Variants in TAFA5 observed in about 807,000 individuals in gnomAD.
TAFA5 encodes the protein TAFA chemokine like family member 5.
In TAFA5, 6 loss-of-function variants were observed where a neutral mutation model predicts 15.3. That is an observed-to-expected ratio of 0.39 (90% CI 0.21 to 0.77). The LOEUF (loss-of-function observed/expected upper bound fraction) is 0.77, where lower values mean the gene tolerates loss of function less well. Among genes scored for constraint, TAFA5 ranks in the 30% least tolerant of loss-of-function variants. TAFA5 has a pLI of 0.41. For synonymous variants in TAFA5, 103 were observed against 80.7 expected (o/e 1.28, Z -1.48); for missense variants, 161 against 193.1 (o/e 0.83, Z 0.98).
At chr22:48,617,086 A>G (rs1180516688) in intron 1 of TAFA5, among the ~76,000 whole-genome samples, 1 of 152,190 alleles carries the variant, frequency 6.6e-6, no homozygotes, top group East Asian at 1.9e-4. Context: ...CACTCCCCAA[A>G]AGATGTCCGG....
At chr22:48,694,549 C>G (rs948492225) in intron 2 of TAFA5, among the ~76,000 whole-genome samples, 1 of 152,084 alleles carries the variant, frequency 6.6e-6, no homozygotes, top group Non-Finnish European at 1.5e-5. Context: ...GAGCCCTGAG[C>G]CCAGGAAGCC....
chr22:48,613,611 CG>C (rs1925491473), intron 1 of TAFA5, among the ~76,000 whole-genome samples: 1 of 151,988 alleles, frequency 6.6e-6, no homozygotes, highest in South Asian at 2.1e-4. Flanking sequence ...TTAGAAAACA[CG>C]GATTTCCATC....
rs556500214 is a variant in TAFA5 at position 48,693,575 on chromosome 22, C to T, written c.263-14142C>T. On this transcript the variant is annotated intron_variant, in intron 2 of 3. Transcript: ENST00000402357. ...GAGCTCAGGGAACTCTGTTCCCACC[C>T]CTGGTCCGGCTCTGGGCCTTGGTCC... Among the ~76,000 whole-genome samples, 637 of 152,276 alleles carry T rather than the reference C, an allele frequency of 4.2e-3. 3 individuals are homozygous for T. The highest frequency in any genetic ancestry group is 0.01 in the Middle Eastern group (3 of 294).
In TAFA5 at chr22:48,489,566, G is replaced by A; in HGVS notation, c.-27G>A. 1 of 1,368,156 alleles carries A rather than the reference G, an allele frequency of 7.3e-7. No homozygotes were observed. The highest frequency in any genetic ancestry group is 1.4e-5 in the South Asian group (1 of 71,810). The allele number at this position is 1,368,156 out of a possible 1,614,324, so 84.8% of individuals were successfully genotyped here. On this transcript the variant is annotated 5_prime_UTR_variant, in exon 1 of 4. Coordinates refer to ENST00000402357, the MANE Select transcript of TAFA5 (RefSeq NM_001082967.3). This position sits in a 1 kb window ranked among gnomAD's most constrained non-coding sequence, Gnocchi z 5.5. Reference sequence around the variant, plus strand: ...GGGCCGGCTGCTGAGACGCGCTGCTGCCCCCCGCGCGGGCGCCGCGGCTTC... The same window carrying A: ...GGGCCGGCTGCTGAGACGCGCTGCTACCCCCCGCGCGGGCGCCGCGGCTTC...
intron 1 of TAFA5, chr22:48,576,687 G>C (rs1338624512): frequency 8.5e-7 from 1 of 1,173,874 alleles, no homozygotes; most frequent in Non-Finnish European, 1.1e-6. Context: ...GCTGAGGCTC[G>C]TGGAGCGCCA....
At chr22:48,579,588 T>C (rs956312301) in intron 1 of TAFA5, among the ~76,000 whole-genome samples, 15 of 152,230 alleles carry the variant, frequency 9.9e-5, no homozygotes, top group African/African-American at 3.6e-4. Context: ...TCATCATGTT[T>C]GGCCTCCAAA....
intron 1 of TAFA5, among the ~76,000 whole-genome samples, chr22:48,551,520 AG>A: frequency 6.6e-6 from 1 of 152,292 alleles, no homozygotes; most frequent in Admixed American, 6.5e-5. Flanking sequence ...GCACACACTA[AG>A]GGGCCCAGCC....
chr22:48,514,325 C>T (rs981978529), intron 1 of TAFA5, among the ~76,000 whole-genome samples: 2 of 152,174 alleles, frequency 1.3e-5, no homozygotes, highest in African/African-American at 4.8e-5. Context: ...AGAAGGCCAA[C>T]CGATTATTTT....
chr22:48,582,146 C>T (rs1924070845), intron 1 of TAFA5, among the ~76,000 whole-genome samples: 1 of 151,990 alleles, frequency 6.6e-6, no homozygotes, highest in African/African-American at 2.4e-5. Flanking sequence ...GTGTGTGAGC[C>T]CACCTCTCCC....
rs1925467068 is a variant in TAFA5 at position 48,613,001 on chromosome 22, T to C, written c.113-33596T>C. ...TCACAGACCCAGGAGGTGGGGCTCC[T>C]CCTCTGGCATCCCTGGCAGGGCGTT... is the stretch of plus-strand genomic sequence containing the variant. On this transcript the variant is annotated intron_variant, in intron 1 of 3. Transcript: ENST00000402357. 2.0e-5 allele frequency among the ~76,000 whole-genome samples: 3 copies of C among 152,126 alleles called. No individual in the cohort carries two copies. In the South Asian group the frequency reaches 6.2e-4, roughly 32 times the overall value.
intron 1 of TAFA5, among the ~76,000 whole-genome samples, chr22:48,538,215 G>A (rs900439048): frequency 3.9e-5 from 6 of 152,050 alleles, no homozygotes; most frequent in Non-Finnish European, 8.8e-5. Flanking sequence ...GCGCTCTACC[G>A]AAAGTCGCTG....
Position 48,637,409 on chromosome 22 carries a change from C to A in TAFA5, c.113-9188C>A, listed in dbSNP as rs76499772. On this transcript the variant is annotated intron_variant, in intron 1 of 3. Coordinates refer to ENST00000402357, the MANE Select transcript of TAFA5 (RefSeq NM_001082967.3). ...TGATGTCTCAGTTCGAAAGCGGTTC[C>A]TGCTAACGCCTCCTCGCCTGTCTGC... Among the ~76,000 whole-genome samples, 17 of 152,330 alleles carry A rather than the reference C, an allele frequency of 1.1e-4. No homozygotes were observed. In the South Asian group the frequency reaches 3.5e-3, roughly 32 times the overall value.
intron 2 of TAFA5, among the ~76,000 whole-genome samples, chr22:48,705,908 T>C (rs922160486): frequency 3.3e-5 from 5 of 152,246 alleles, no homozygotes; most frequent in Admixed American, 1.3e-4. Flanking sequence ...ACTACAGTTC[T>C]GGTTTATGCA....
intron 3 of TAFA5, among the ~76,000 whole-genome samples, chr22:48,720,265 CCTT>C (rs1601696955): frequency 6.6e-6 from 1 of 152,064 alleles, no homozygotes; most frequent in East Asian, 1.9e-4. Flanking sequence ...ATCAGTGCCT[CCTT>C]CTCCTTTTCC....
chr22:48,706,332 C>T (rs931374212), intron 2 of TAFA5, among the ~76,000 whole-genome samples: 1 of 152,144 alleles, frequency 6.6e-6, no homozygotes, highest in African/African-American at 2.4e-5. Flanking sequence ...CCGAGGAACT[C>T]GGAACAGTGA....
At chr22:48,729,266 T>C (rs1340293673) in intron 3 of TAFA5, among the ~76,000 whole-genome samples, 1 of 140,860 alleles carries the variant, frequency 7.1e-6, no homozygotes, top group Non-Finnish European at 1.5e-5. Context: ...ATAATAATTT[T>C]ATATTTATTT....
intron 1 of TAFA5, chr22:48,545,265 C>T (rs886609719): frequency 3.9e-6 from 1 of 253,640 alleles, no homozygotes; most frequent in South Asian, 5.4e-5. Flanking sequence ...CCTCTGGTCT[C>T]GGAATTCCCT....
chr22:48,685,992 G>A (rs1362041236), intron 2 of TAFA5, among the ~76,000 whole-genome samples: 1 of 151,172 alleles, frequency 6.6e-6, no homozygotes, highest in East Asian at 2.0e-4. Context: ...GTGCGCCCCG[G>A]GAGTACACGC....
chr22:48,568,171 T>C (rs1474053388), intron 1 of TAFA5, among the ~76,000 whole-genome samples: 4 of 152,234 alleles, frequency 2.6e-5, no homozygotes, highest in African/African-American at 9.6e-5. Flanking sequence ...GACTGCGGCC[T>C]CAGCCATCCC....
Sources: allele counts gnomAD v4.1 joint callset (sites outside exome capture counted in the v4.1 genomes callset), GRCh38; gene constraint gnomAD v4.1.1; non-coding constraint Gnocchi (gnomAD v3.1); transcripts MANE v1.5; gene names NCBI Gene and HGNC (gene_info 2026-07-23, HGNC 2026-07-21).